COL12A1: variants seen among roughly 807,000 people sequenced by gnomAD.
The protein encoded by COL12A1 is collagen alpha-1(XII) chain.
A neutral mutation model predicts 349.7 loss-of-function variants in COL12A1; 114 were observed. The ratio of observed to expected loss-of-function variants is 0.33; its 90% confidence interval spans 0.28 to 0.38. The LOEUF (loss-of-function observed/expected upper bound fraction) is 0.38, where lower values mean the gene tolerates loss of function less well. Among genes scored for constraint, COL12A1 ranks in the 10% least tolerant of loss-of-function variants. The pLI is 1.00. For synonymous variants in COL12A1, 1,369 were observed against 1,329.0 expected, an observed-to-expected ratio of 1.03 and a Z score of -0.66; for missense variants, 3,284 against 3,756.9, an observed-to-expected ratio of 0.87 and a Z score of 3.29.
chr6:75,150,174 C>A lies in COL12A1; in HGVS notation c.4147+967G>T, dbSNP rs543103982. Among the ~76,000 whole-genome samples, 8 of 152,240 alleles carry A rather than the reference C, an allele frequency of 5.3e-5. No individual in the cohort carries two copies. The East Asian group carries it at 1.5e-3, about 29-fold the overall frequency. ...TAATGAAGGACAATTTTACCATAATCTACATGTACTTAAATAAAATTTTTC... is the reference window on the plus strand; with the variant it reads ...TAATGAAGGACAATTTTACCATAATATACATGTACTTAAATAAAATTTTTC... On this transcript the variant is annotated intron_variant, in intron 21 of 65. Transcript: ENST00000322507.
At chr6:75,162,251 T>C (rs989576836) in intron 14 of COL12A1, among the ~76,000 whole-genome samples, 9 of 152,118 alleles carry the variant, frequency 5.9e-5, no homozygotes, top group Non-Finnish European at 1.0e-4. Flanking sequence ...ATTCAAACTA[T>C]ACTAGAAGGC....
rs1233148302 is a variant in COL12A1 at position 75,119,115 on chromosome 6, C to G, written c.7282G>C (p.Val2428Leu). Residue 2428 changes from valine to leucine, a missense_variant, in exon 46 of 66, where the codon GTG (valine) becomes CTG (leucine). By Grantham distance (32) the Val-to-Leu change is conservative. Transcript: ENST00000322507. ...CGACCGTCCGTGACCACAACCAACA[C>G]CTTAGGGACATTCTTCCTCATGCCG... ...ESGMRKNVPK[V>L]LVVVTDGRSQ... is the part of the protein sequence containing the mutation. 1 of 1,613,898 alleles carries G rather than the reference C, an allele frequency of 6.2e-7. No individual in the cohort carries two copies.
intron 13 of COL12A1, among the ~76,000 whole-genome samples, chr6:75,170,229 C>T (rs774161721): frequency 3.3e-5 from 5 of 152,164 alleles, no homozygotes; most frequent in Non-Finnish European, 7.3e-5. Context: ...TGCATTTCAT[C>T]TTATAGATTG....
rs977149508 is a variant in COL12A1 at position 75,206,050 on chromosome 6, G to A, written c.-309C>T. The stretch of plus-strand genomic sequence containing the variant: ...GTCTGGGGCGGTTCGCCTTAGCCAA[G>A]TGGAAAGAGACTCCGCGCCGCGGGC... On this transcript the variant is annotated 5_prime_UTR_variant, in exon 1 of 66. Transcript: ENST00000322507. The A allele has an allele frequency of 6.6e-6, 1 of 152,396 alleles. No homozygotes were observed. Among genetic ancestry groups the A allele is most frequent in the Admixed American group, 6.5e-5 (1 of 15,294 alleles). The allele number at this position is 152,396 out of a possible 1,614,324, so 9.4% of individuals were successfully genotyped here.
chr6:75,095,219 G>A lies in COL12A1; in HGVS notation c.8578-40C>T. The A allele has an allele frequency of 2.7e-6, 4 of 1,502,414 alleles. No homozygotes were observed. The South Asian group carries it at 3.5e-5, about 13-fold the overall frequency. The allele number at this position is 1,502,414 out of a possible 1,614,324, so 93.1% of individuals were successfully genotyped here. A position where few individuals can be genotyped will look rare whatever the true frequency, so the allele number is the denominator to read the frequency against. On this transcript the variant is annotated intron_variant, in intron 59 of 65. Coordinates refer to ENST00000322507, the MANE Select transcript of COL12A1 (RefSeq NM_004370.6). ...AAGGGAAGGGGACTGTTATGACAAA[G>A]GGAAAATCCCATCTAAAGTAAATGA...
chr6:75,166,171 A>G (rs967031405), intron 13 of COL12A1, among the ~76,000 whole-genome samples: 1 of 152,172 alleles, frequency 6.6e-6, no homozygotes, highest in African/African-American at 2.4e-5. Flanking sequence ...GTTCACAAAG[A>G]TCTTTATTTC....
At chr6:75,118,510 A>C (rs1399722547) in intron 46 of COL12A1, among the ~76,000 whole-genome samples, 2 of 152,170 alleles carry the variant, frequency 1.3e-5, no homozygotes, top group African/African-American at 4.8e-5. Context: ...TTCACCTCTA[A>C]TGATCTTAAA....
At chr6:75,130,336 A>T in intron 36 of COL12A1, 103 bp from the exon 37 acceptor site, 1 of 1,107,004 alleles carries the variant, frequency 9.0e-7, no homozygotes, top group Non-Finnish European at 1.3e-6. Context: ...ATTCACTCAG[A>T]TGTTTCCTCC....
chr6:75,191,359 G>A (rs1769922172), intron 5 of COL12A1, among the ~76,000 whole-genome samples: 2 of 151,936 alleles, frequency 1.3e-5, no homozygotes, highest in Non-Finnish European at 2.9e-5. Context: ...ACCACCTACT[G>A]CTATCAGTTT....
At chr6:75,145,596 C>G in intron 24 of COL12A1, 141 bp from the exon 25 acceptor site, 1 of 773,116 alleles carries the variant, frequency 1.3e-6, no homozygotes, top group South Asian at 3.8e-5. Flanking sequence ...ATCTCCTTTT[C>G]CATGCTGATG....
intron 14 of COL12A1, 88 bp downstream of exon 14, chr6:75,165,419 A>T (rs1768240817): frequency 8.1e-6 from 12 of 1,481,046 alleles, no homozygotes; most frequent in Non-Finnish European, 1.0e-5. Flanking sequence ...AAGAAAAAAC[A>T]TTCAAGTGAT....
intron 54 of COL12A1, 75 bp downstream of exon 54, chr6:75,105,131 C>G: frequency 8.0e-7 from 1 of 1,246,306 alleles, no homozygotes; most frequent in Non-Finnish European, 1.1e-6. Flanking sequence ...ATTTTACTGA[C>G]TCCATATTGG....
chr6:75,194,064 A>G (rs969661654), intron 3 of COL12A1, among the ~76,000 whole-genome samples: 5 of 152,208 alleles, frequency 3.3e-5, no homozygotes, highest in Non-Finnish European at 7.3e-5. Flanking sequence ...TTATAGCAGC[A>G]TGATTTATAA....
intron 31 of COL12A1, 123 bp from the exon 32 acceptor site, chr6:75,134,978 C>G: frequency 2.0e-6 from 2 of 1,010,100 alleles, no homozygotes. Flanking sequence ...AATTACATAC[C>G]ACAGTCAAGG....
At chr6:75,175,520 G>A (rs1768894375) in intron 12 of COL12A1, among the ~76,000 whole-genome samples, 1 of 152,186 alleles carries the variant, frequency 6.6e-6, no homozygotes, top group Non-Finnish European at 1.5e-5. Context: ...AAGATATTCA[G>A]TCCCTTTTCT....
In COL12A1 at chr6:75,090,662, A is replaced by G. The variant is rs1303825567; in HGVS notation, c.8753-364T>C. 6.6e-6 allele frequency among the ~76,000 whole-genome samples: 1 copy of G among 152,234 alleles called. No individual in the cohort carries two copies. The highest frequency in any genetic ancestry group is 2.4e-5 in the African/African-American group (1 of 41,460). On this transcript the variant is annotated intron_variant, in intron 62 of 65. Transcript: ENST00000322507. This position sits in a 1 kb window ranked among gnomAD's most constrained non-coding sequence, Gnocchi z 4.1. ...AATTCTACAATTTTTTGTATATCTA[A>G]GGCAATGATAATCAGGTTTCAGTGC... is the stretch of plus-strand genomic sequence containing the variant.
intron 26 of COL12A1, 83 bp from the exon 27 acceptor site, chr6:75,142,244 C>T (rs368750420): frequency 3.4e-5 from 50 of 1,475,890 alleles, no homozygotes; most frequent in Non-Finnish European, 4.2e-5. Flanking sequence ...TACCTGTCAG[C>T]GTAAGAATAT....
At chr6:75,190,920 C>G (rs888429662) in intron 5 of COL12A1, among the ~76,000 whole-genome samples, 1 of 151,704 alleles carries the variant, frequency 6.6e-6, no homozygotes, top group African/African-American at 2.4e-5. Flanking sequence ...TAATGATAAA[C>G]AGTGATCTGG....
rs1429860106 is a variant in COL12A1, at chr6:75,152,142, T to C, written c.3824A>G (p.Asn1275Ser). The C allele has an allele frequency of 2.5e-6, 4 of 1,613,844 alleles. No individual in the cohort carries two copies. The highest frequency in any genetic ancestry group is 3.4e-6 in the Non-Finnish European group (4 of 1,179,824). ...CAGTCCTTACTCACCTGTGAGAGTATTGCCTCCTTTGTACGGCAAGTTTGC... is the reference window on the plus strand; with the variant it reads ...CAGTCCTTACTCACCTGTGAGAGTACTGCCTCCTTTGTACGGCAAGTTTGC... ...AVANLPYKGG[N>S]TLTGMALNFI... is the part of the protein sequence containing the mutation. Residue 1275 changes from asparagine (N) to serine (S), a missense_variant, in exon 19 of 66, where the codon AAT becomes AGT. This residue lies in a region of COL12A1 where 2,601 missense variants were observed against 2,824.8 expected (regional missense o/e 0.92). Transcript: ENST00000322507.
Sources: gnomAD v4.1 joint callset for allele counts (sites outside exome capture counted in the v4.1 genomes callset) on GRCh38, gnomAD v4.1.1 for gene constraint, gnomAD v4.1.1 regional missense constraint, Gnocchi (gnomAD v3.1) non-coding constraint, MANE v1.5 for transcripts, NCBI Gene and HGNC (gene_info 2026-07-23, HGNC 2026-07-21) for gene names.